The following PDE4D variants were observed in gnomAD, a reference collection of about 807,000 sequenced individuals.
PDE4D encodes the protein phosphodiesterase 4D.
PDE4D carries 24 observed loss-of-function variants against 87.4 expected under a neutral mutation model. The observed-to-expected ratio is 0.27, with a 90% CI of 0.20 to 0.39. The LOEUF is 0.39. Ranked by LOEUF, PDE4D falls within the 10% of genes least tolerant of loss-of-function variation. The pLI is 1.00. For missense variants in PDE4D, 714 were observed against 1,041.0 expected (o/e 0.69, Z 4.32); for synonymous variants, 384 against 383.2 (o/e 1.00, Z -0.02).
intron 1 of PDE4D, among the ~76,000 whole-genome samples, chr5:59,871,648 T>C (rs1320542073): frequency 1.3e-5 from 2 of 152,198 alleles, no homozygotes; most frequent in Non-Finnish European, 2.9e-5. Flanking sequence ...TCAATGGGTA[T>C]TGACAAACAC....
At chr5:60,422,841 T>C (rs1272805809) in intron 1 of PDE4D, among the ~76,000 whole-genome samples, 1 of 152,154 alleles carries the variant, frequency 6.6e-6, no homozygotes, top group Non-Finnish European at 1.5e-5. Flanking sequence ...AATAAAGGGA[T>C]GTAAGAAGAT....
chr5:59,088,590 T>A (rs1580732798), intron 5 of PDE4D, among the ~76,000 whole-genome samples: 1 of 152,130 alleles, frequency 6.6e-6, no homozygotes, highest in South Asian at 2.1e-4. Context: ...GCAAATGTGG[T>A]ACATAAACAC....
At chr5:59,681,866 A>C (rs1420256389) in intron 1 of PDE4D, among the ~76,000 whole-genome samples, 1 of 138,828 alleles carries the variant, frequency 7.2e-6, no homozygotes, top group Non-Finnish European at 1.5e-5. Context: ...GAGTCACTGC[A>C]CTCCAGCCTG....
intron 1 of PDE4D, among the ~76,000 whole-genome samples, chr5:59,329,328 A>C (rs113648468): frequency 1.2e-3 from 187 of 152,256 alleles, no homozygotes; most frequent in African/African-American, 4.4e-3. Flanking sequence ...TTCCCTGCAA[A>C]TGTTTTCATG....
intron 1 of PDE4D, among the ~76,000 whole-genome samples, chr5:59,833,930 G>A (rs1454415394): frequency 1.3e-5 from 2 of 152,020 alleles, no homozygotes; most frequent in African/African-American, 4.8e-5. Context: ...CTAAGTGAAA[G>A]GTCTGAAATA....
chr5:59,487,967 C>CCT (rs1455260042), intron 1 of PDE4D, among the ~76,000 whole-genome samples: 2 of 152,146 alleles, frequency 1.3e-5, no homozygotes, highest in Admixed American at 1.3e-4. Flanking sequence ...CCTGCCTTCC[C>CCT]CTCTGCACAT....
At chr5:60,345,055 C>T (rs942861901) in intron 1 of PDE4D, among the ~76,000 whole-genome samples, 8 of 151,608 alleles carry the variant, frequency 5.3e-5, no homozygotes, top group Admixed American at 2.6e-4. Context: ...ATACTATATA[C>T]GTATTACATA....
At chr5:60,292,424 A>G (rs528957224) in intron 1 of PDE4D, among the ~76,000 whole-genome samples, 1 of 152,214 alleles carries the variant, frequency 6.6e-6, no homozygotes, top group African/African-American at 2.4e-5. Flanking sequence ...TGCGAAATAC[A>G]TATTGTTCTT....
chr5:59,680,048 A>T, intron 1 of PDE4D, among the ~76,000 whole-genome samples: 1 of 152,164 alleles, frequency 6.6e-6, no homozygotes, highest in Non-Finnish European at 1.5e-5. Context: ...TTAGCTTTAC[A>T]TAGGCATTTT....
chr5:59,049,676 A>G (rs1436902523), intron 5 of PDE4D, among the ~76,000 whole-genome samples: 2 of 152,232 alleles, frequency 1.3e-5, no homozygotes, highest in Non-Finnish European at 2.9e-5. Flanking sequence ...AAAAATGAGC[A>G]TAAGTTCATA....
chr5:60,486,327 C>T (rs1749137197), intron 1 of PDE4D, among the ~76,000 whole-genome samples: 1 of 152,188 alleles, frequency 6.6e-6, no homozygotes, highest in South Asian at 2.1e-4. Context: ...AATAAATCAA[C>T]TCACTATTCT....
intron 6 of PDE4D, among the ~76,000 whole-genome samples, chr5:59,022,164 C>T (rs1755291815): frequency 6.6e-6 from 1 of 152,196 alleles, no homozygotes; most frequent in Non-Finnish European, 1.5e-5. Flanking sequence ...TAAACATTTA[C>T]ATCCGCCACT....
intron 1 of PDE4D, among the ~76,000 whole-genome samples, chr5:59,285,151 A>G (rs1200168506): frequency 2.1e-5 from 3 of 143,292 alleles, no homozygotes; most frequent in East Asian, 2.1e-4. Context: ...AGCATGGCAC[A>G]TGTATACATA....
At chr5:59,409,166 T>C (rs764538995) in intron 1 of PDE4D, among the ~76,000 whole-genome samples, 1 of 149,684 alleles carries the variant, frequency 6.7e-6, no homozygotes, top group Non-Finnish European at 1.5e-5. Flanking sequence ...AAAAAAAGAA[T>C]GGGAATGTTT....
At chr5:59,029,425 A>AC (rs1756893690) in intron 6 of PDE4D, among the ~76,000 whole-genome samples, 1 of 151,152 alleles carries the variant, frequency 6.6e-6, no homozygotes, top group African/African-American at 2.4e-5. Flanking sequence ...ACAAAAAAAA[A>AC]AAAAAAAAAA....
intron 1 of PDE4D, among the ~76,000 whole-genome samples, chr5:59,307,483 G>C (rs758099383): frequency 0.068 from 10,378 of 151,968 alleles, 458 homozygotes; most frequent in South Asian, 0.13. Flanking sequence ...CTAACATCCA[G>C]AATCTACAAT....
At chr5:60,338,105 G>A (rs1003257422) in intron 1 of PDE4D, among the ~76,000 whole-genome samples, 8 of 152,168 alleles carry the variant, frequency 5.3e-5, no homozygotes, top group South Asian at 2.1e-4. Flanking sequence ...GTGAGTAGCC[G>A]GAGAAAAAAG....
chr5:59,767,554 T>G (rs1762956554), intron 1 of PDE4D, among the ~76,000 whole-genome samples: 1 of 151,876 alleles, frequency 6.6e-6, no homozygotes, highest in African/African-American at 2.4e-5. Flanking sequence ...TGAAACAAAT[T>G]CACCCATTAT....
Position 60,008,033 on chromosome 5 carries a change from T to C in PDE4D, c.43-19316A>G, listed in dbSNP as rs528303533. 5.3e-5 allele frequency among the ~76,000 whole-genome samples: 8 copies of C among 152,110 alleles called. No homozygotes were observed. In the South Asian group the frequency reaches 1.2e-3, roughly 24 times the overall value. Reference sequence around the variant, plus strand: ...ACTGATGAACAAAAGATGAATAAAATAGCCAGTCTCAAGTCACTATAAGAT... The same window carrying C: ...ACTGATGAACAAAAGATGAATAAAACAGCCAGTCTCAAGTCACTATAAGAT... On this transcript the variant is annotated intron_variant, in intron 2 of 16. Transcript: ENST00000502484.
Sources: gnomAD v4.1 joint callset for allele counts (sites outside exome capture counted in the v4.1 genomes callset) on GRCh38, gnomAD v4.1.1 for gene constraint, MANE v1.5 for transcripts, NCBI Gene and HGNC (gene_info 2026-07-23, HGNC 2026-07-21) for gene names.